Variants in FNDC1 observed in about 807,000 individuals in gnomAD.
The protein encoded by FNDC1 is fibronectin type III domain-containing protein 1.
In FNDC1, 96 loss-of-function variants were observed where a neutral mutation model predicts 168.0. The ratio of observed to expected loss-of-function variants is 0.57; its 90% CI spans 0.48 to 0.68. The LOEUF is 0.68. FNDC1 is among the 30% of genes least tolerant of loss of function. The probability of loss-of-function intolerance (pLI) is 0.00; values close to 1 mark genes in which losing one functional copy is unlikely to be tolerated. For synonymous variants in FNDC1, 1,099 were observed against 1,025.9 expected (o/e 1.07, Z -1.36); for missense variants, 2,587 against 2,482.1 (o/e 1.04, Z -0.90).
At chr6:159,257,512 C>G (rs1466917076) in intron 18 of FNDC1, among the ~76,000 whole-genome samples, 1 of 152,120 alleles carries the variant, frequency 6.6e-6, no homozygotes. Context: ...ATTTGCCTAG[C>G]AAAGAGCTCG....
intron 1 of FNDC1, among the ~76,000 whole-genome samples, chr6:159,182,389 C>T (rs1001992833): frequency 6.6e-6 from 1 of 152,148 alleles, no homozygotes; most frequent in Non-Finnish European, 1.5e-5. Flanking sequence ...ACTATGTGTC[C>T]TCTTGGAATT....
chr6:159,212,097 G>A (rs1233731411), intron 4 of FNDC1, among the ~76,000 whole-genome samples: 1 of 152,240 alleles, frequency 6.6e-6, no homozygotes, highest in Non-Finnish European at 1.5e-5. Context: ...GATGGTAATT[G>A]TTTCACCCAG....
chr6:159,211,241 T>C (rs1782600511), intron 4 of FNDC1, among the ~76,000 whole-genome samples: 2 of 152,096 alleles, frequency 1.3e-5, no homozygotes, highest in Non-Finnish European at 2.9e-5. Context: ...CAGTGGGGTG[T>C]CAGATCGGTC....
intron 4 of FNDC1, among the ~76,000 whole-genome samples, chr6:159,214,522 T>C (rs1782670620): frequency 6.6e-6 from 1 of 152,196 alleles, no homozygotes; most frequent in Non-Finnish European, 1.5e-5. Flanking sequence ...TTTTCAACAT[T>C]ACAGTGAAAA....
rs1282009171 is a variant in FNDC1 at position 159,267,390 on chromosome 6, A to C, written c.5447-414A>C. On this transcript the variant is annotated intron_variant, in intron 21 of 22. Transcript: ENST00000297267. ...GACCATGGACAGCGTCTCATGCCAC[A>C]GGCCCGCCCCCTCCTAGTTACACAT... Among the ~76,000 whole-genome samples the C allele has an allele frequency of 2.0e-5, 3 of 152,292 alleles. No homozygotes were observed. The East Asian group carries it at 5.8e-4, about 29-fold the overall frequency.
In FNDC1 at chr6:159,234,004, G is replaced by C. The variant is rs745743041; in HGVS notation, c.3492G>C (p.Lys1164Asn). 5.6e-6 allele frequency: 9 copies of C among 1,606,910 alleles called. No homozygotes were observed. The highest frequency in any genetic ancestry group is 7.6e-6 in the Non-Finnish European group (9 of 1,177,232). ...CGGGGAAGTCGGAGCCTCCTTCCAA[G>C]CGGCCCCTGTCCTCCAAGTCCCAGC... ...AAPGKSEPPS[K>N]RPLSSKSQQS... The change falls in exon 11 of 23, where the codon AAG becomes AAC. Residue 1164 changes from lysine (K) to asparagine (N), a missense_variant. Coordinates refer to ENST00000297267, the MANE Select transcript of FNDC1 (RefSeq NM_032532.3).
chr6:159,221,691 T>G lies in FNDC1; in HGVS notation c.761T>G (p.Ile254Ser), dbSNP rs1244055752. 6.2e-7 allele frequency: 1 copy of G among 1,613,196 alleles called. No homozygotes were observed. Among genetic ancestry groups the G allele is most frequent in the East Asian group, 2.2e-5 (1 of 44,888 alleles). The change falls in exon 6 of 23, where the codon ATT (isoleucine) becomes AGT (serine). Residue 254 changes from isoleucine (I) to serine (S), a missense_variant. Physicochemically the swap from Ile to Ser is moderately radical, Grantham distance 142 (BLOSUM62 -2). Coordinates refer to ENST00000297267, the MANE Select transcript of FNDC1 (RefSeq NM_032532.3). ...AGGGCTGCCCTAACAAAGCGAAAGA[T>G]TTCAGGTATGTTTCTAAGGATGCAT... is the stretch of plus-strand genomic sequence containing the variant. ...VYRAALTKRK[I>S]SEEDELDVPD...
chr6:159,171,049 C>T (rs1187133918), intron 1 of FNDC1, among the ~76,000 whole-genome samples: 1 of 152,174 alleles, frequency 6.6e-6, no homozygotes, highest in African/African-American at 2.4e-5. Flanking sequence ...CAGCCTTCTG[C>T]TTTTCCGATT....
intron 1 of FNDC1, among the ~76,000 whole-genome samples, chr6:159,174,112 TA>T (rs1349316373): frequency 2.0e-5 from 3 of 152,170 alleles, no homozygotes; most frequent in Non-Finnish European, 4.4e-5. Flanking sequence ...GGTATAAAAG[TA>T]AAGGAGAGAA....
chr6:159,172,522 A>G (rs1781683639), intron 1 of FNDC1, among the ~76,000 whole-genome samples: 2 of 152,190 alleles, frequency 1.3e-5, no homozygotes, highest in South Asian at 4.1e-4. Flanking sequence ...TTCTAGTGAG[A>G]TCAATGGTGA....
intron 18 of FNDC1, 111 bp downstream of exon 18, chr6:159,256,742 A>G (rs1462324295): frequency 3.8e-6 from 3 of 795,448 alleles, no homozygotes; most frequent in African/African-American, 3.4e-5. Context: ...TTCTTTGAAT[A>G]CCCTGTTTGG....
intron 18 of FNDC1, among the ~76,000 whole-genome samples, chr6:159,257,813 TA>T (rs1777406372): frequency 1.3e-5 from 2 of 152,138 alleles, no homozygotes; most frequent in South Asian, 4.2e-4. Context: ...AGCACTTTTT[TA>T]AAACTTTTTC....
chr6:159,201,080 T>G (rs1782368952), intron 4 of FNDC1, among the ~76,000 whole-genome samples: 2 of 152,272 alleles, frequency 1.3e-5, no homozygotes, highest in African/African-American at 4.8e-5. Flanking sequence ...CTCATTTGGA[T>G]GTTGATGTTG....
intron 1 of FNDC1, among the ~76,000 whole-genome samples, chr6:159,173,633 G>C (rs1299024548): frequency 6.6e-6 from 1 of 152,168 alleles, no homozygotes; most frequent in Non-Finnish European, 1.5e-5. Context: ...AAGTTCTAAA[G>C]GCCCGTTCCC....
chr6:159,199,635 T>C (rs1782330060), intron 2 of FNDC1, among the ~76,000 whole-genome samples: 1 of 152,254 alleles, frequency 6.6e-6, no homozygotes, highest in Non-Finnish European at 1.5e-5. Context: ...TGACAGTGTA[T>C]GTTCAAACAC....
rs1783096558 is a variant in FNDC1, at chr6:159,232,102, A to G, written c.1590A>G (p.Ala530=). The change falls in exon 11 of 23, where the codon GCA becomes GCG. Residue 530 remains alanine (A), a synonymous_variant. Transcript: ENST00000297267. This position sits in a 1 kb window ranked among gnomAD's most constrained non-coding sequence, Gnocchi z 4.9. ...AACCCCAGCTTCGCGCCAAGAAGGC[A>G]GAGGAGCTGGATCTTCAGTCGACAG... ...PRKPQLRAKK[A]EELDLQSTEI... The G allele has an allele frequency of 6.2e-7, 1 of 1,613,824 alleles. No individual in the cohort carries two copies. Among genetic ancestry groups the G allele is most frequent in the Non-Finnish European group, 8.5e-7 (1 of 1,179,870 alleles).
chr6:159,229,178 A>G (rs925091269), intron 9 of FNDC1, among the ~76,000 whole-genome samples: 1 of 152,226 alleles, frequency 6.6e-6, no homozygotes, highest in African/African-American at 2.4e-5. Flanking sequence ...TTATGTGACT[A>G]TAGAGCAAGC....
chr6:159,247,564 C>T (rs1351302221), intron 15 of FNDC1, among the ~76,000 whole-genome samples: 1 of 151,982 alleles, frequency 6.6e-6, no homozygotes, highest in African/African-American at 2.4e-5. Flanking sequence ...GCCTGGACAA[C>T]ATAACAAGAC....
chr6:159,269,095 T>G (rs1399899660), intron 22 of FNDC1, among the ~76,000 whole-genome samples: 1 of 151,662 alleles, frequency 6.6e-6, no homozygotes, highest in Admixed American at 6.6e-5. Flanking sequence ...TATCTATCTA[T>G]CTATCCATTT....
Sources: allele counts gnomAD v4.1 joint callset (sites outside exome capture counted in the v4.1 genomes callset), GRCh38; gene constraint gnomAD v4.1.1; non-coding constraint Gnocchi (gnomAD v3.1); transcripts MANE v1.5; gene names NCBI Gene and HGNC (gene_info 2026-07-23, HGNC 2026-07-21).